ANAPC4: variants seen among roughly 807,000 people sequenced by gnomAD.
ANAPC4 encodes anaphase promoting complex subunit 4.
A neutral mutation model predicts 119.8 loss-of-function variants in ANAPC4; 63 were observed. The observed-to-expected ratio is 0.53, with a 90% CI of 0.43 to 0.65. ANAPC4 has a LOEUF of 0.65. Ranked by LOEUF, ANAPC4 falls within the 30% of genes least tolerant of loss-of-function variation. The pLI, the probability that ANAPC4 is intolerant of heterozygous loss-of-function variation, is 0.00. For synonymous variants in ANAPC4, 283 were observed against 318.6 expected, an observed-to-expected ratio of 0.89 and a Z score of 1.19; for missense variants, 716 against 945.1, an observed-to-expected ratio of 0.76 and a Z score of 3.18.
intron 21 of ANAPC4, among the ~76,000 whole-genome samples, chr4:25,412,103 C>T (rs1723602229): frequency 6.6e-6 from 1 of 152,068 alleles, no homozygotes; most frequent in African/African-American, 2.4e-5. Flanking sequence ...TAGAATGGCT[C>T]ACAAAACTCC....
chr4:25,387,987 G>C (rs1722138586), intron 4 of ANAPC4, among the ~76,000 whole-genome samples: 2 of 152,062 alleles, frequency 1.3e-5, no homozygotes, highest in African/African-American at 4.8e-5. Context: ...ATATTAGCTG[G>C]GTGTGGTGGC....
intron 27 of ANAPC4, 92 bp downstream of exon 27, chr4:25,416,690 G>T: frequency 9.5e-7 from 1 of 1,054,416 alleles, no homozygotes; most frequent in Non-Finnish European, 1.3e-6. Flanking sequence ...CTAGATAATG[G>T]TTATTTCGTT....
At chr4:25,406,283 A>G (rs1443760573) in intron 18 of ANAPC4, among the ~76,000 whole-genome samples, 1 of 152,228 alleles carries the variant, frequency 6.6e-6, no homozygotes, top group Admixed American at 6.5e-5. Flanking sequence ...CAAACCAGGA[A>G]AGTTTCACAA....
chr4:25,408,510 G>C (rs1029175881), intron 20 of ANAPC4, among the ~76,000 whole-genome samples: 29 of 147,944 alleles, frequency 2.0e-4, no homozygotes, highest in Non-Finnish European at 4.5e-5. Context: ...CACAGGGGCA[G>C]ATGCAGGTTT....
intron 21 of ANAPC4, 160 bp from the exon 22 acceptor site, chr4:25,413,485 C>G: frequency 1.9e-6 from 1 of 529,272 alleles, no homozygotes; most frequent in Non-Finnish European, 3.3e-6. Context: ...AGACCATGGT[C>G]GTTTTTAATG....
At position 25,414,545 on chromosome 4, in the gene ANAPC4, A is replaced by G. The variant is rs544311685; in HGVS notation, c.1724+41A>G. The stretch of plus-strand genomic sequence containing the variant: ...TTCCCTATCTTGAGTGAACAATACA[A>G]TTTTGTTTTATCCATCAATAGTTAA... On this transcript the variant is annotated intron_variant, in intron 24 of 28. Coordinates refer to ENST00000315368, the MANE Select transcript of ANAPC4 (RefSeq NM_013367.3). 3.7e-5 allele frequency: 59 copies of G among 1,574,452 alleles called. 2 individuals are homozygous for G. The South Asian group carries it at 5.1e-4, about 14-fold the overall frequency.
At chr4:25,412,919 T>C (rs924887162) in intron 21 of ANAPC4, 2 of 152,186 alleles carry the variant, frequency 1.3e-5, no homozygotes, top group African/African-American at 2.4e-5. Flanking sequence ...TAGTTCATTT[T>C]ATCCAGCATG....
chr4:25,404,926 AAC>A (rs1304236939), intron 17 of ANAPC4, among the ~76,000 whole-genome samples: 3 of 152,032 alleles, frequency 2.0e-5, no homozygotes, highest in Admixed American at 1.3e-4. Flanking sequence ...TTAATTAAAA[AAC>A]AGTTATGTAT....
intron 6 of ANAPC4, 35 bp downstream of exon 6, chr4:25,388,778 A>G: frequency 6.2e-7 from 1 of 1,604,804 alleles, no homozygotes; most frequent in Non-Finnish European, 8.5e-7. Context: ...CAAGTAAGAT[A>G]ATCTGCTATT....
At chr4:25,398,740 G>T (rs1577386656) in intron 16 of ANAPC4, among the ~76,000 whole-genome samples, 1 of 152,130 alleles carries the variant, frequency 6.6e-6, no homozygotes, top group South Asian at 2.1e-4. Flanking sequence ...GAGAAATGGT[G>T]GTCAGAATCT....
rs1454552042 is a variant in ANAPC4, at chr4:25,377,462, G to T, written c.35G>T (p.Arg12Leu). 1 of 1,613,996 alleles carries T rather than the reference G, an allele frequency of 6.2e-7. No homozygotes were observed. Among genetic ancestry groups the T allele is most frequent in the Admixed American group, 1.7e-5 (1 of 60,006 alleles). ...TTTCCGACCTGTTTCCCATCCTTCC[G>T]GGTGGTGGGAGAGAAGCAGCTCCCG... is the stretch of plus-strand genomic sequence containing the variant. ...LRFPTCFPSF[R>L]VVGEKQLPQE... is the part of the protein sequence containing the mutation. Residue 12 changes from arginine to leucine, a missense_variant, in exon 2 of 29, where the codon CGG becomes CTG. Arg to Leu is a moderately radical substitution (Grantham distance 102). Transcript: ENST00000315368.
chr4:25,385,582 T>C (rs935669489), intron 4 of ANAPC4, among the ~76,000 whole-genome samples: 47 of 152,358 alleles, frequency 3.1e-4, no homozygotes, highest in African/African-American at 1.1e-3. Context: ...TAAGGCTGTT[T>C]CACATTTTTA....
At chr4:25,412,891 A>C (rs934125600) in intron 21 of ANAPC4, 29 of 152,330 alleles carry the variant, frequency 1.9e-4, no homozygotes, top group African/African-American at 6.5e-4. Context: ...TTGAGAACTT[A>C]AAATGTTAAT....
At chr4:25,410,228 A>G (rs1342616964) in intron 21 of ANAPC4, among the ~76,000 whole-genome samples, 1 of 152,092 alleles carries the variant, frequency 6.6e-6, no homozygotes, top group South Asian at 2.1e-4. Flanking sequence ...ATTTTCTAGA[A>G]TGTCAGAATG....
chr4:25,378,657 G>A (rs1028842781), intron 2 of ANAPC4, among the ~76,000 whole-genome samples: 1 of 152,202 alleles, frequency 6.6e-6, no homozygotes, highest in African/African-American at 2.4e-5. Flanking sequence ...GGTGAAGATG[G>A]AGAAGAATAT....
At chr4:25,411,308 T>C (rs558447623) in intron 21 of ANAPC4, among the ~76,000 whole-genome samples, 4 of 152,322 alleles carry the variant, frequency 2.6e-5, no homozygotes, top group South Asian at 2.1e-4. Context: ...TTGGCTATTA[T>C]TGATCCAGGG....
intron 27 of ANAPC4, 186 bp downstream of exon 27, chr4:25,416,784 C>A: frequency 2.5e-6 from 1 of 402,522 alleles, no homozygotes; most frequent in Non-Finnish European, 4.3e-6. Context: ...CTTTTTTTGT[C>A]CCTTTGCTTT....
rs553177258 is a variant in ANAPC4, at chr4:25,379,173, G to A, written c.130-1201G>A. 2.6e-3 allele frequency among the ~76,000 whole-genome samples: 394 copies of A among 152,272 alleles called. 3 individuals carry two copies. The highest frequency in any genetic ancestry group is 9.2e-3 in the African/African-American group (383 of 41,548). On this transcript the variant is annotated intron_variant, in intron 2 of 28. Coordinates refer to ENST00000315368, the MANE Select transcript of ANAPC4 (RefSeq NM_013367.3). ...TGCAGTTGTTGGTAATGACCAGGCC[G>A]GAGGTGTGACCCTGGGAGTGGCTGA...
At position 25,408,728 on chromosome 4, in the gene ANAPC4, G is replaced by A. The variant is rs940454811; in HGVS notation, c.1432-970G>A. 2.6e-5 allele frequency among the ~76,000 whole-genome samples: 4 copies of A among 151,820 alleles called. No homozygotes were observed. The East Asian group carries it at 7.8e-4, about 30-fold the overall frequency. On this transcript the variant is annotated intron_variant, in intron 20 of 28. Transcript: ENST00000315368. Reference sequence around the variant, plus strand: ...TGCCCAGGCTGGTCTTGAGCTCCTGGGCTCAAGTGATACGCCTGCCATGGC... The same window carrying A: ...TGCCCAGGCTGGTCTTGAGCTCCTGAGCTCAAGTGATACGCCTGCCATGGC...
Sources: allele counts gnomAD v4.1 joint callset (sites outside exome capture counted in the v4.1 genomes callset), GRCh38; gene constraint gnomAD v4.1.1; transcripts MANE v1.5; gene names NCBI Gene and HGNC (gene_info 2026-07-23, HGNC 2026-07-21).